The following SPAG17 variants were observed in gnomAD, a reference collection of about 807,000 sequenced individuals.
SPAG17 encodes the protein sperm associated antigen 17, also known as sperm-associated antigen 17.
In SPAG17, 169 loss-of-function variants were observed where a neutral mutation model predicts 273.6. The ratio of observed to expected loss-of-function variants is 0.62; its 90% CI spans 0.55 to 0.70. The LOEUF (loss-of-function observed/expected upper bound fraction) is 0.70, where lower values mean the gene tolerates loss of function less well. SPAG17 is among the 30% of genes least tolerant of loss of function. SPAG17 has a pLI of 0.00. For synonymous variants in SPAG17, 825 were observed against 873.2 expected, an observed-to-expected ratio of 0.94 and a Z score of 0.97; for missense variants, 2,557 against 2,627.8, an observed-to-expected ratio of 0.97 and a Z score of 0.59.
chr1:118,019,935 C>T (rs970841101), intron 28 of SPAG17, among the ~76,000 whole-genome samples: 8 of 152,106 alleles, frequency 5.3e-5, no homozygotes, highest in Non-Finnish European at 8.8e-5. Flanking sequence ...TGGACTGAAA[C>T]CCCTAAAGAC....
Position 118,100,583 on chromosome 1 carries a change from A to T in SPAG17, c.635-783T>A, listed in dbSNP as rs1656000891. ...CACAACTTTTCATTTTTAAGTTATG[A>T]CTTTTCTTCTATCACTAAACTAATC... On this transcript the variant is annotated intron_variant, in intron 5 of 48. Coordinates refer to ENST00000336338, the MANE Select transcript of SPAG17 (RefSeq NM_206996.4). Among the ~76,000 whole-genome samples the T allele has an allele frequency of 3.3e-5, 5 of 152,160 alleles. No individual in the cohort carries two copies. The South Asian group carries it at 1.0e-3, about 32-fold the overall frequency.
intron 1 of SPAG17, among the ~76,000 whole-genome samples, chr1:118,155,865 C>A (rs1199253639): frequency 6.6e-6 from 1 of 152,156 alleles, no homozygotes; most frequent in Non-Finnish European, 1.5e-5. Flanking sequence ...CAAAAAAAGT[C>A]TTGGATCTCC....
At chr1:118,025,197 T>G in intron 27 of SPAG17, 41 bp downstream of exon 27, 1 of 1,599,440 alleles carries the variant, frequency 6.3e-7, no homozygotes, top group Non-Finnish European at 8.5e-7. Flanking sequence ...GTCTTTTACT[T>G]TGGAACAGGG....
At chr1:118,135,155 C>T (rs1268722502) in intron 3 of SPAG17, among the ~76,000 whole-genome samples, 2 of 152,144 alleles carry the variant, frequency 1.3e-5, no homozygotes, top group African/African-American at 2.4e-5. Flanking sequence ...GTATTATAAA[C>T]GGGACCCCTG....
chr1:118,136,831 G>T (rs942903418), intron 3 of SPAG17, among the ~76,000 whole-genome samples: 2 of 131,466 alleles, frequency 1.5e-5, no homozygotes, highest in Admixed American at 7.9e-5. Context: ...GTGTGTGTGT[G>T]TTTTTAATGA....
chr1:118,039,803 A>C (rs10923475), intron 22 of SPAG17, among the ~76,000 whole-genome samples: 9,612 of 152,264 alleles, frequency 0.063, 509 homozygotes, highest in East Asian at 0.31. Context: ...AAGGCAGCAT[A>C]GAATATAAAA....
At chr1:118,033,524 G>GT (rs1193642283) in intron 24 of SPAG17, among the ~76,000 whole-genome samples, 1 of 152,076 alleles carries the variant, frequency 6.6e-6, no homozygotes. Context: ...CTTCTGCAGC[G>GT]TTTTGCTAAC....
At chr1:118,149,437 C>T (rs965120676) in intron 3 of SPAG17, among the ~76,000 whole-genome samples, 1 of 152,106 alleles carries the variant, frequency 6.6e-6, no homozygotes, top group African/African-American at 2.4e-5. Context: ...TTTCTATAGC[C>T]ACTCACAAGA....
At chr1:118,028,855 C>CATAACTTATT (rs1648089248) in intron 25 of SPAG17, among the ~76,000 whole-genome samples, 1 of 152,068 alleles carries the variant, frequency 6.6e-6, no homozygotes, top group East Asian at 1.9e-4. Context: ...CATGAGGGCT[C>CATAACTTATT]CACCCTTATG....
At chr1:117,993,006 A>G (rs1657281012) in intron 35 of SPAG17, among the ~76,000 whole-genome samples, 1 of 152,156 alleles carries the variant, frequency 6.6e-6, no homozygotes, top group South Asian at 2.1e-4. Context: ...TTTGGAACTG[A>G]GCAGTCTTTC....
In SPAG17 at chr1:118,185,117, C is replaced by G. The variant is rs543241232; in HGVS notation, c.41G>C (p.Ser14Thr). Residue 14 changes from serine (S) to threonine (T), a missense_variant, in exon 1 of 49, where the codon AGT (serine) becomes ACT (threonine). Ser to Thr is a moderately conservative substitution (Grantham distance 58, BLOSUM62 1). Coordinates refer to ENST00000336338, the MANE Select transcript of SPAG17 (RefSeq NM_206996.4). ...KKEKGGTVNTSSKIWEPSLIA... is the reference protein window; with the variant it reads ...KKEKGGTVNTTSKIWEPSLIA... The stretch of plus-strand genomic sequence containing the variant: ...GAGCGAGGGTTCCCATATCTTAGAA[C>G]TGGTGTTCACAGTTCCTCCTTTCTC... 2.5e-6 allele frequency: 4 copies of G among 1,614,218 alleles called. No individual in the cohort carries two copies. The highest frequency in any genetic ancestry group is 1.1e-5 in the South Asian group (1 of 91,084).
At chr1:118,051,276 ATGG>A (rs1187549648) in intron 20 of SPAG17, among the ~76,000 whole-genome samples, 2 of 152,088 alleles carry the variant, frequency 1.3e-5, no homozygotes, top group Non-Finnish European at 2.9e-5. Context: ...AAAGAGAACC[ATGG>A]TACACTGATG....
chr1:118,178,816 C>T (rs1023080828), intron 1 of SPAG17, among the ~76,000 whole-genome samples: 2 of 151,718 alleles, frequency 1.3e-5, no homozygotes, highest in African/African-American at 4.8e-5. Context: ...TATTCACCAG[C>T]AGCATACAAT....
Position 118,081,408 on chromosome 1 carries a change from A to G in SPAG17, c.1990+7T>C. The G allele has an allele frequency of 6.2e-7, 1 of 1,613,432 alleles. No homozygotes were observed. Among genetic ancestry groups the G allele is most frequent in the Non-Finnish European group, 8.5e-7 (1 of 1,179,610 alleles). On this transcript the variant is annotated splice_region_variant and intron_variant, in intron 14 of 48. Transcript: ENST00000336338. ...AGAATGCTTTCCATTCCCTCCATGC[A>G]GTGTACCTGCTTTCTGCTTGGCCTC... is the stretch of plus-strand genomic sequence containing the variant.
chr1:118,011,404 C>T (rs772376323), intron 30 of SPAG17, among the ~76,000 whole-genome samples: 4 of 152,050 alleles, frequency 2.6e-5, no homozygotes, highest in African/African-American at 9.7e-5. Flanking sequence ...AAAACAAACA[C>T]GATCACATCC....
chr1:118,023,307 T>C lies in SPAG17; in HGVS notation c.4066A>G (p.Lys1356Glu), dbSNP rs751811269. Residue 1356 changes from lysine (K) to glutamate (E), a missense_variant, in exon 28 of 49, where the codon AAA (lysine) becomes GAA (glutamate). Coordinates refer to ENST00000336338, the MANE Select transcript of SPAG17 (RefSeq NM_206996.4). ...TIPSEITNTK[K>E]GKSHKSQSSM... is the part of the protein sequence containing the mutation. ...ACTGAGAGGCTTCAATTGTTACCTT[T>C]CTTTGTGTTGGTAATCTCAGATGGT... is the stretch of plus-strand genomic sequence containing the variant. The C allele has an allele frequency of 1.9e-6, 3 of 1,609,582 alleles. No individual in the cohort carries two copies. Among genetic ancestry groups the C allele is most frequent in the Admixed American group, 1.7e-5 (1 of 59,640 alleles).
In SPAG17 at chr1:117,971,907, A is replaced by G. The variant is rs770502682; in HGVS notation, c.6282T>C (p.Tyr2094=). Reference sequence around the variant, plus strand: ...CATTCTTGAGCTTTACAACTGTGGCATAGGTATGTCCTTCCTTAAGCACTC... The same window carrying G: ...CATTCTTGAGCTTTACAACTGTGGCGTAGGTATGTCCTTCCTTAAGCACTC... ...KFGVLKEGHT[Y]ATVVKLKNVG... The change falls in exon 45 of 49, where the codon TAT becomes TAC. Residue 2094 remains tyrosine (Y), a synonymous_variant. Coordinates refer to ENST00000336338, the MANE Select transcript of SPAG17 (RefSeq NM_206996.4). The G allele has an allele frequency of 2.5e-6, 4 of 1,614,030 alleles. No homozygotes were observed. Among genetic ancestry groups the G allele is most frequent in the East Asian group, 4.5e-5 (2 of 44,872 alleles).
At chr1:118,019,484 G>T (rs371576140) in intron 28 of SPAG17, among the ~76,000 whole-genome samples, 86 of 151,942 alleles carry the variant, frequency 5.7e-4, no homozygotes, top group African/African-American at 2.0e-3. Context: ...ATAAATAAAA[G>T]TTCAAGGCCT....
chr1:118,160,245 C>T (rs1317116878), intron 1 of SPAG17, among the ~76,000 whole-genome samples: 1 of 152,182 alleles, frequency 6.6e-6, no homozygotes, highest in African/African-American at 2.4e-5. Flanking sequence ...GATTGAGTTC[C>T]TTCAATGTTG....
Sources: allele counts gnomAD v4.1 joint callset (sites outside exome capture counted in the v4.1 genomes callset), GRCh38; gene constraint gnomAD v4.1.1; transcripts MANE v1.5; gene names NCBI Gene and HGNC (gene_info 2026-07-23, HGNC 2026-07-21).